Variants in FHIT observed in about 807,000 individuals in gnomAD.
The protein encoded by FHIT is fragile histidine triad diadenosine triphosphatase, also known as bis(5'-adenosyl)-triphosphatase.
A neutral mutation model predicts 17.9 loss-of-function variants in FHIT; 19 were observed. The ratio of observed to expected loss-of-function variants is 1.06; its 90% CI spans 0.74 to 1.56. The LOEUF is 1.56. Among genes scored for constraint, FHIT ranks in the 40% most tolerant of loss-of-function variants. FHIT has a pLI of 0.00. For synonymous variants in FHIT, 81 were observed against 69.7 expected (o/e 1.16, Z -0.81); for missense variants, 248 against 189.2 (o/e 1.31, Z -1.82).
In FHIT at chr3:59,869,065, G is replaced by A. The variant is rs893786573; in HGVS notation, c.348+53281C>T. 1.4e-4 allele frequency among the ~76,000 whole-genome samples: 22 copies of A among 152,106 alleles called. 1 individual carries two copies. The highest frequency in any genetic ancestry group is 4.6e-4 in the Admixed American group (7 of 15,266). On this transcript the variant is annotated intron_variant, in intron 8 of 9. Coordinates refer to ENST00000492590, the MANE Select transcript of FHIT (RefSeq NM_002012.4). ...CAAATCATATGAAATGTAGGAGAAC[G>A]GTTATTTAGTGAAAATGAAGCACTA...
intron 4 of FHIT, among the ~76,000 whole-genome samples, chr3:60,739,081 C>A (rs1229922401): frequency 2.6e-5 from 4 of 152,146 alleles, no homozygotes; most frequent in Non-Finnish European, 4.4e-5. Context: ...GCTGAACAGC[C>A]AAAACTCCAG....
At chr3:59,929,510 A>G (rs1321208626) in intron 7 of FHIT, among the ~76,000 whole-genome samples, 4 of 151,682 alleles carry the variant, frequency 2.6e-5, no homozygotes, top group African/African-American at 9.7e-5. Context: ...AGCTGGGACT[A>G]CAGGAGCACG....
chr3:60,303,737 A>T (rs1304202299), intron 5 of FHIT, among the ~76,000 whole-genome samples: 2 of 152,144 alleles, frequency 1.3e-5, no homozygotes, highest in Admixed American at 1.3e-4. Flanking sequence ...CATCACCTAG[A>T]ACCTCCGCAG....
chr3:60,583,049 C>T (rs772358864), intron 4 of FHIT, among the ~76,000 whole-genome samples: 1 of 151,768 alleles, frequency 6.6e-6, no homozygotes, highest in Non-Finnish European at 1.5e-5. Flanking sequence ...ATGCGTAAGA[C>T]AAGCGTCTAA....
chr3:60,543,592 C>G (rs2036255803), intron 4 of FHIT, among the ~76,000 whole-genome samples: 1 of 152,098 alleles, frequency 6.6e-6, no homozygotes. Context: ...GTTTATGTCA[C>G]TATTATAAAT....
chr3:59,938,739 G>C (rs1253038554), intron 7 of FHIT, among the ~76,000 whole-genome samples: 1 of 152,096 alleles, frequency 6.6e-6, no homozygotes, highest in Non-Finnish European at 1.5e-5. Flanking sequence ...CTTCATAAAT[G>C]AGATTCTTTT....
At chr3:59,913,958 T>C (rs530535799) in intron 8 of FHIT, among the ~76,000 whole-genome samples, 1 of 152,302 alleles carries the variant, frequency 6.6e-6, no homozygotes, top group African/African-American at 2.4e-5. Context: ...GGGAAGGTCA[T>C]AACAGTCTCC....
chr3:60,995,953 T>C (rs2030643886), intron 3 of FHIT, among the ~76,000 whole-genome samples: 1 of 152,238 alleles, frequency 6.6e-6, no homozygotes, highest in Admixed American at 6.5e-5. Flanking sequence ...AGCAAATGCA[T>C]TTTAAAGAGG....
chr3:60,566,796 G>T (rs1195421056), intron 4 of FHIT, among the ~76,000 whole-genome samples: 1 of 151,136 alleles, frequency 6.6e-6, no homozygotes, highest in Admixed American at 6.6e-5. Flanking sequence ...AAAATCACAA[G>T]CATTCTTATA....
intron 3 of FHIT, among the ~76,000 whole-genome samples, chr3:61,004,771 A>C (rs1214821224): frequency 6.6e-6 from 1 of 152,138 alleles, no homozygotes. Context: ...AGCAGGTGGA[A>C]AAGGATAGCA....
At chr3:60,802,117 G>T (rs1310112766) in intron 4 of FHIT, among the ~76,000 whole-genome samples, 2 of 152,136 alleles carry the variant, frequency 1.3e-5, no homozygotes, top group Non-Finnish European at 2.9e-5. Context: ...TTACAGTCAG[G>T]TTACTATCAT....
chr3:61,032,134 T>G (rs569607342), intron 3 of FHIT, among the ~76,000 whole-genome samples: 1 of 152,350 alleles, frequency 6.6e-6, no homozygotes, highest in Admixed American at 6.5e-5. Flanking sequence ...CGTGTATTCC[T>G]TCATTCATTC....
chr3:60,282,060 TAATGGTAA>T (rs1230380162), intron 5 of FHIT, among the ~76,000 whole-genome samples: 1 of 152,130 alleles, frequency 6.6e-6, no homozygotes. Flanking sequence ...TTGGTGGAAA[TAATGGTAA>T]AATGGTATAG....
intron 5 of FHIT, among the ~76,000 whole-genome samples, chr3:60,421,299 C>A (rs1576628499): frequency 6.6e-6 from 1 of 152,114 alleles, no homozygotes; most frequent in Non-Finnish European, 1.5e-5. Flanking sequence ...ATCTCATTCC[C>A]TCCCTGGATT....
At chr3:60,101,058 G>A (rs1391304865) in intron 5 of FHIT, among the ~76,000 whole-genome samples, 2 of 152,132 alleles carry the variant, frequency 1.3e-5, no homozygotes, top group Non-Finnish European at 2.9e-5. Flanking sequence ...CCCTAGGCCA[G>A]ACCACCATTG....
intron 2 of FHIT, among the ~76,000 whole-genome samples, chr3:61,065,599 G>A (rs186639854): frequency 9.9e-5 from 15 of 152,134 alleles, no homozygotes; most frequent in African/African-American, 3.4e-4. Flanking sequence ...TGTCCCTCAG[G>A]CAGTCAACCC....
intron 5 of FHIT, among the ~76,000 whole-genome samples, chr3:60,343,596 G>GCTTT (rs1710631266): frequency 6.6e-6 from 1 of 152,066 alleles, no homozygotes; most frequent in African/African-American, 2.4e-5. Flanking sequence ...TTTCCACTAC[G>GCTTT]CTTTGCCATC....
chr3:61,166,343 C>G (rs2037836566), intron 2 of FHIT, among the ~76,000 whole-genome samples: 1 of 152,112 alleles, frequency 6.6e-6, no homozygotes, highest in African/African-American at 2.4e-5. Context: ...GATTCCAAAC[C>G]TAGTGCTTTC....
chr3:60,166,543 A>G (rs1701184175), intron 5 of FHIT, among the ~76,000 whole-genome samples: 2 of 152,304 alleles, frequency 1.3e-5, no homozygotes, highest in African/African-American at 4.8e-5. Flanking sequence ...AAAGTAAGGT[A>G]CTATTATTAT....
Sources: allele counts gnomAD v4.1 joint callset (sites outside exome capture counted in the v4.1 genomes callset), GRCh38; gene constraint gnomAD v4.1.1; transcripts MANE v1.5; gene names NCBI Gene and HGNC (gene_info 2026-07-23, HGNC 2026-07-21).